Variants in SLC9A7 observed in about 807,000 individuals in gnomAD.
SLC9A7 encodes solute carrier family 9 member A7.
In SLC9A7, 19 loss-of-function variants were observed where a neutral mutation model predicts 52.6. That is an observed-to-expected ratio of 0.36 (90% CI 0.25 to 0.53). SLC9A7 has a LOEUF of 0.53. Among genes scored for constraint, SLC9A7 ranks in the 20% least tolerant of loss-of-function variants. The pLI is 0.91. For synonymous variants in SLC9A7, 226 were observed against 252.1 expected (o/e 0.90, Z 0.98); for missense variants, 455 against 597.9 (o/e 0.76, Z 2.49).
chrX:46,626,747 G>A (rs1281352098), intron 14 of SLC9A7, among the ~76,000 whole-genome samples: 1 of 111,687 alleles, frequency 9.0e-6, no homozygotes, highest in Non-Finnish European at 1.9e-5. Flanking sequence ...AAAAGTGTGC[G>A]GCACTTCCCC....
intron 1 of SLC9A7, among the ~76,000 whole-genome samples, chrX:46,691,360 G>A (rs1467530806): frequency 1.8e-5 from 2 of 112,077 alleles, no homozygotes; most frequent in African/African-American, 6.5e-5. Context: ...GGCATTATTT[G>A]TTGCTATTTA....
chrX:46,653,791 A>T (rs1602181408), intron 7 of SLC9A7, 77 bp from the exon 8 acceptor site: 2 of 694,752 alleles, frequency 2.9e-6, no homozygotes, highest in South Asian at 6.3e-5. Context: ...CTAGCCCAGG[A>T]CCCCTCCCCA....
At chrX:46,727,053 C>G (rs144756794) in intron 1 of SLC9A7, among the ~76,000 whole-genome samples, 22 of 111,730 alleles carry the variant, frequency 2.0e-4, no homozygotes, top group African/African-American at 6.5e-4. Flanking sequence ...GCCAGGGTCA[C>G]TCTCAGGTAG....
intron 1 of SLC9A7, among the ~76,000 whole-genome samples, chrX:46,686,889 C>T (rs1944303652): frequency 8.9e-6 from 1 of 112,124 alleles, no homozygotes; most frequent in Non-Finnish European, 1.9e-5. Context: ...TGGCTTAAAA[C>T]AAGATGGTAA....
intron 1 of SLC9A7, among the ~76,000 whole-genome samples, chrX:46,741,198 T>A (rs989970341): frequency 1.5e-4 from 17 of 111,599 alleles, no homozygotes; most frequent in African/African-American, 4.9e-4. Flanking sequence ...AGTAATAATG[T>A]CCATTCTCCT....
At chrX:46,676,118 A>G (rs750390968) in intron 3 of SLC9A7, among the ~76,000 whole-genome samples, 13 of 111,488 alleles carry the variant, frequency 1.2e-4, no homozygotes, top group African/African-American at 2.3e-4. Flanking sequence ...CCACTATAGC[A>G]ATGTAATGAA....
chrX:46,660,314 G>C lies in SLC9A7; in HGVS notation c.1041+1702C>G, dbSNP rs1390597427. Among the ~76,000 whole-genome samples the C allele has an allele frequency of 3.6e-5, 4 of 111,802 alleles. No individual in the cohort carries two copies. In the Admixed American group the frequency reaches 3.8e-4, roughly 11 times the overall value. On this transcript the variant is annotated intron_variant, in intron 7 of 16. Transcript: ENST00000616978. ...CCATTCAGGACATAGGCATGGGTAAGTACTTCATGTCTAAAACACCAAAAG... is the reference window on the plus strand; with the variant it reads ...CCATTCAGGACATAGGCATGGGTAACTACTTCATGTCTAAAACACCAAAAG...
At chrX:46,668,097 G>C (rs1471824959) in intron 5 of SLC9A7, among the ~76,000 whole-genome samples, 3 of 112,085 alleles carry the variant, frequency 2.7e-5, no homozygotes, top group Non-Finnish European at 5.6e-5. Context: ...ACTAAGAAAA[G>C]GTATTATTTA....
At chrX:46,682,638 C>G (rs1183361831) in intron 1 of SLC9A7, 103 bp from the exon 2 acceptor site, 1 of 727,369 alleles carries the variant, frequency 1.4e-6, no homozygotes, top group East Asian at 3.5e-5. Context: ...CAGCAGTAAT[C>G]TTAGAAACTG....
rs1364527827 is a variant in SLC9A7, at chrX:46,603,206, C to T, written c.*3746G>A. 9.0e-6 allele frequency: 1 copy of T among 111,148 alleles called. No homozygotes were observed. The highest frequency in any genetic ancestry group is 1.9e-5 in the Non-Finnish European group (1 of 52,991). 9.2% of individuals were successfully genotyped at this position (111,148 alleles called of 1,213,427 possible). ...GGCCTCCTGCCCTATACAAACCATC[C>T]CCAACCCACCTTGTTTACATTGGAA... On this transcript the variant is annotated 3_prime_UTR_variant, in exon 17 of 17. Transcript: ENST00000616978.
In SLC9A7 at chrX:46,599,561, A is replaced by C. The variant is rs1425247473; in HGVS notation, c.*7391T>G. The C allele has an allele frequency of 1.8e-5, 2 of 112,281 alleles. No homozygotes were observed. Among genetic ancestry groups the C allele is most frequent in the East Asian group, 5.5e-4 (2 of 3,609 alleles). The allele number at this position is 112,281 out of a possible 1,213,427, so 9.3% of individuals were successfully genotyped here. A position where few individuals can be genotyped will look rare whatever the true frequency, so the allele number is the denominator to read the frequency against. ...TGTTAAATATCAGTAAAGGGCAGGAACACACATGGCTAGCTTTACAATAGC... is the reference window on the plus strand; with the variant it reads ...TGTTAAATATCAGTAAAGGGCAGGACCACACATGGCTAGCTTTACAATAGC... On this transcript the variant is annotated 3_prime_UTR_variant, in exon 17 of 17. Transcript: ENST00000616978.
chrX:46,735,552 T>C (rs1022713035), intron 1 of SLC9A7, among the ~76,000 whole-genome samples: 1 of 112,433 alleles, frequency 8.9e-6, no homozygotes, highest in African/African-American at 3.2e-5. Context: ...GATTTCATCT[T>C]CACTTACTTC....
At chrX:46,682,960 ATTT>A (rs1169630244) in intron 1 of SLC9A7, among the ~76,000 whole-genome samples, 9 of 64,941 alleles carry the variant, frequency 1.4e-4, no homozygotes, top group Non-Finnish European at 2.0e-4. Context: ...CACCCGGCTA[ATTT>A]TTTTTTTTTT....
chrX:46,624,093 T>C (rs1415096489), intron 14 of SLC9A7, among the ~76,000 whole-genome samples: 1 of 112,656 alleles, frequency 8.9e-6, no homozygotes, highest in South Asian at 3.6e-4. Context: ...CGCCACATAC[T>C]CCCATCCCCA....
chrX:46,690,957 G>A (rs1944372463), intron 1 of SLC9A7, among the ~76,000 whole-genome samples: 1 of 111,859 alleles, frequency 8.9e-6, no homozygotes, highest in South Asian at 3.7e-4. Flanking sequence ...AGAAATGGGA[G>A]CTGGTGGTCA....
intron 11 of SLC9A7, among the ~76,000 whole-genome samples, chrX:46,646,031 CT>C (rs764501902): frequency 1.8e-5 from 2 of 112,268 alleles, no homozygotes; most frequent in Admixed American, 1.9e-4. Context: ...ATTGATCCCA[CT>C]CATCAAGTAG....
chrX:46,738,109 G>GAAAGAAAGA lies in SLC9A7; in HGVS notation c.325+20595_325+20596insTCTTTCTTT, dbSNP rs1569525314. On this transcript the variant is annotated intron_variant, in intron 1 of 16. Coordinates refer to ENST00000616978, the MANE Select transcript of SLC9A7 (RefSeq NM_001257291.2). ...AAAGAAAGAAAGAAAGAAAGAAAGA[G>GAAAGAAAGA]AAAAGAAAAGAAAAGTTTGGACATC... 2.1e-4 allele frequency among the ~76,000 whole-genome samples: 10 copies of GAAAGAAAGA among 46,623 alleles called. 1 individual carries two copies. Among genetic ancestry groups the GAAAGAAAGA allele is most frequent in the Non-Finnish European group, 7.6e-4 (10 of 13,187 alleles). 40.5% of individuals were successfully genotyped at this position (46,623 alleles called of 115,157 possible). A position where few individuals can be genotyped will look rare whatever the true frequency, so the allele number is the denominator to read the frequency against.
At chrX:46,613,202 G>T in intron 16 of SLC9A7, 87 bp downstream of exon 16, 1 of 603,882 alleles carries the variant, frequency 1.7e-6, no homozygotes, top group Non-Finnish European at 2.5e-6. Context: ...TGGATTTGGA[G>T]GCATGAGTAT....
At chrX:46,757,984 T>C (rs1384197765) in intron 1 of SLC9A7, among the ~76,000 whole-genome samples, 1 of 111,722 alleles carries the variant, frequency 9.0e-6, no homozygotes, top group East Asian at 2.8e-4. Context: ...ACTCACTCCC[T>C]GTTACCGTCT....
Sources: gnomAD v4.1 joint callset for allele counts (sites outside exome capture counted in the v4.1 genomes callset) on GRCh38, gnomAD v4.1.1 for gene constraint, MANE v1.5 for transcripts, NCBI Gene and HGNC (gene_info 2026-07-23, HGNC 2026-07-21) for gene names.